Variants in CCN4 observed in about 807,000 individuals in gnomAD.
CCN4 encodes cellular communication network factor 4.
CCN4 carries 30 observed loss-of-function variants against 36.7 expected under a neutral mutation model. That is an observed-to-expected ratio of 0.82 (90% CI 0.61 to 1.11). The LOEUF (loss-of-function observed/expected upper bound fraction) is 1.11, where lower values mean the gene tolerates loss of function less well. CCN4 is among the 50% of genes least tolerant of loss of function. The pLI, the probability that CCN4 is intolerant of heterozygous loss-of-function variation, is 0.00. For synonymous variants in CCN4, 191 were observed against 195.4 expected (o/e 0.98, Z 0.19); for missense variants, 505 against 504.9 (o/e 1.00, Z 0.00).
In CCN4 at chr8:133,213,062, GC is replaced by G; in HGVS notation, c.269del (p.Ala90ValfsTer23). On this transcript the variant is annotated frameshift_variant, in exon 2 of 5. Transcript: ENST00000250160. LOFTEE classifies it high-confidence loss of function. ...AQQLGDNCTE[A>X]AICDPHRGLY... ...GCAGCTTGGGGACAACTGCACGGAG[GC>G]TGCCATCTGTGACCCCCACCGGGGC... 1 of 1,614,120 alleles carries G rather than the reference GC, an allele frequency of 6.2e-7. No homozygotes were observed. The highest frequency in any genetic ancestry group is 8.5e-7 in the Non-Finnish European group (1 of 1,179,972).
chr8:133,224,222 G>A (rs1421125009), intron 3 of CCN4, among the ~76,000 whole-genome samples: 1 of 102,712 alleles, frequency 9.7e-6, no homozygotes, highest in Non-Finnish European at 1.9e-5. Flanking sequence ...TTTGAAGCCC[G>A]TAAGTCCTTT....
At chr8:133,205,278 C>T (rs1853729045) in intron 1 of CCN4, among the ~76,000 whole-genome samples, 1 of 152,244 alleles carries the variant, frequency 6.6e-6, no homozygotes, top group African/African-American at 2.4e-5. Context: ...TCCAGAAGTA[C>T]ATCATGAAAG....
chr8:133,209,534 G>C (rs1024364119), intron 1 of CCN4, among the ~76,000 whole-genome samples: 1 of 152,216 alleles, frequency 6.6e-6, no homozygotes, highest in Non-Finnish European at 1.5e-5. Flanking sequence ...CTGTCCAAGG[G>C]AGGACTTCTC....
rs555863974 is a variant in CCN4, at chr8:133,229,227, C to A, written c.*1517C>A. 1.3e-5 allele frequency: 2 copies of A among 152,274 alleles called. No individual in the cohort carries two copies. Among genetic ancestry groups the A allele is most frequent in the African/African-American group, 4.8e-5 (2 of 41,554 alleles). 9.4% of individuals were successfully genotyped at this position (152,274 alleles called of 1,614,324 possible). ...TGACTGGGAAAGTTAGGATTCAGAT[C>A]GAAATTGGACTGTCTTTATAACCCA... On this transcript the variant is annotated 3_prime_UTR_variant, in exon 5 of 5. Transcript: ENST00000250160.
chr8:133,210,081 A>G (rs565482355), intron 1 of CCN4, among the ~76,000 whole-genome samples: 2 of 152,320 alleles, frequency 1.3e-5, no homozygotes, highest in East Asian at 3.9e-4. Context: ...TTTTTAGCCG[A>G]CAATCCCCCA....
At position 133,224,225 on chromosome 8, in the gene CCN4, A is replaced by G. The variant is rs2977547; in HGVS notation, c.611-1165A>G. ...TGGTGATTTGAATTTGAAGCCCGTA[A>G]GTCCTTTTTTTTTTTTTTTTTTTTT... On this transcript the variant is annotated intron_variant, in intron 3 of 4. Transcript: ENST00000250160. 1.6e-5 allele frequency among the ~76,000 whole-genome samples: 2 copies of G among 128,306 alleles called. 1 individual carries two copies. The highest frequency in any genetic ancestry group is 3.3e-5 in the Non-Finnish European group (2 of 61,384). 84.2% of individuals were successfully genotyped at this position (128,306 alleles called of 152,430 possible).
chr8:133,217,634 G>C (rs1013390134), intron 2 of CCN4, among the ~76,000 whole-genome samples: 1 of 152,136 alleles, frequency 6.6e-6, no homozygotes, highest in Non-Finnish European at 1.5e-5. Flanking sequence ...CAAGGAGAGA[G>C]ACTGGCGCGC....
At chr8:133,212,468 C>T (rs888330914) in intron 1 of CCN4, among the ~76,000 whole-genome samples, 1 of 152,020 alleles carries the variant, frequency 6.6e-6, no homozygotes, top group Admixed American at 6.6e-5. Context: ...CCATGGGATC[C>T]GAGCCCCGCG....
intron 1 of CCN4, among the ~76,000 whole-genome samples, chr8:133,197,984 C>A (rs1186746149): frequency 1.3e-5 from 2 of 152,172 alleles, no homozygotes; most frequent in African/African-American, 4.8e-5. Context: ...CAGCAGACTC[C>A]TTGCCTAGAG....
intron 4 of CCN4, among the ~76,000 whole-genome samples, chr8:133,226,936 T>C (rs1338389064): frequency 6.6e-6 from 1 of 152,176 alleles, no homozygotes; most frequent in Non-Finnish European, 1.5e-5. Flanking sequence ...ATGTCAACCA[T>C]TTGAATACGT....
At chr8:133,216,026 T>C (rs745784308) in intron 2 of CCN4, among the ~76,000 whole-genome samples, 2 of 151,958 alleles carry the variant, frequency 1.3e-5, no homozygotes, top group Non-Finnish European at 2.9e-5. Context: ...GTTATACATA[T>C]ACACATCACA....
chr8:133,221,963 C>T (rs893140668), intron 3 of CCN4, among the ~76,000 whole-genome samples: 9 of 123,578 alleles, frequency 7.3e-5, no homozygotes, highest in African/African-American at 1.3e-4. Context: ...AATAAGTAGA[C>T]GAGGGGACAG....
chr8:133,210,631 G>A (rs908638746), intron 1 of CCN4, among the ~76,000 whole-genome samples: 11 of 151,106 alleles, frequency 7.3e-5, no homozygotes, highest in Non-Finnish European at 1.3e-4. Context: ...GATTTTTTTT[G>A]GCCATTCTGG....
intron 3 of CCN4, 97 bp downstream of exon 3, chr8:133,220,938 T>C: frequency 6.2e-6 from 9 of 1,447,742 alleles, no homozygotes; most frequent in Non-Finnish European, 8.3e-6. Flanking sequence ...CATTCCCCAG[T>C]CCACTACCTA....
chr8:133,210,438 T>G (rs2130570056), intron 1 of CCN4, among the ~76,000 whole-genome samples: 1 of 151,544 alleles, frequency 6.6e-6, no homozygotes, highest in South Asian at 2.1e-4. Context: ...GATTCGGATA[T>G]GTAGGGTTTT....
At chr8:133,209,069 A>G (rs1853888263) in intron 1 of CCN4, among the ~76,000 whole-genome samples, 2 of 152,172 alleles carry the variant, frequency 1.3e-5, no homozygotes, top group African/African-American at 4.8e-5. Context: ...TCCTGTGCAT[A>G]GTAGGGATTC....
rs765566205 is a variant in CCN4 at position 133,228,752 on chromosome 8, C to T, written c.*1042C>T. On this transcript the variant is annotated 3_prime_UTR_variant, in exon 5 of 5. Coordinates refer to ENST00000250160, the MANE Select transcript of CCN4 (RefSeq NM_003882.4). ...AGAAGTGGGTGCCCTTGGTAGCAGC[C>T]TGGGGTGACCTCTAGAGCTGGAGGC... 1.3e-5 allele frequency: 2 copies of T among 152,274 alleles called. No individual in the cohort carries two copies. The highest frequency in any genetic ancestry group is 2.9e-5 in the Non-Finnish European group (2 of 68,126). The allele number at this position is 152,274 out of a possible 1,614,324, so 9.4% of individuals were successfully genotyped here.
In CCN4 at chr8:133,227,781, CTT is replaced by C; in HGVS notation, c.*74_*75del. 3.3e-6 allele frequency: 5 copies of C among 1,519,662 alleles called. No homozygotes were observed. Among genetic ancestry groups the C allele is most frequent in the Non-Finnish European group, 4.4e-6 (5 of 1,124,668 alleles). The allele number at this position is 1,519,662 out of a possible 1,614,324, so 94.1% of individuals were successfully genotyped here. A position where few individuals can be genotyped will look rare whatever the true frequency, so the allele number is the denominator to read the frequency against. On this transcript the variant is annotated 3_prime_UTR_variant, in exon 5 of 5. Coordinates refer to ENST00000250160, the MANE Select transcript of CCN4 (RefSeq NM_003882.4). ...AGCAGTCAGCCCTTATGGCCAATAA[CTT>C]TTCACCAATGAGCCTTAGTTACCCT... is the stretch of plus-strand genomic sequence containing the variant.
intron 3 of CCN4, among the ~76,000 whole-genome samples, chr8:133,222,868 C>T (rs1057102919): frequency 1.3e-5 from 2 of 151,744 alleles, no homozygotes; most frequent in African/African-American, 4.8e-5. Flanking sequence ...TTCTCAAGCT[C>T]GGCACTGTCA....
Sources: gnomAD v4.1 joint callset for allele counts (sites outside exome capture counted in the v4.1 genomes callset) on GRCh38, gnomAD v4.1.1 for gene constraint, MANE v1.5 for transcripts, NCBI Gene and HGNC (gene_info 2026-07-23, HGNC 2026-07-21) for gene names.